VAV2: variants seen among roughly 807,000 people sequenced by gnomAD.
VAV2 encodes the protein vav guanine nucleotide exchange factor 2, also known as guanine nucleotide exchange factor VAV2.
A neutral mutation model predicts 132.5 loss-of-function variants in VAV2; 67 were observed. The observed-to-expected ratio is 0.51, with a 90% CI of 0.42 to 0.62. The LOEUF (loss-of-function observed/expected upper bound fraction) is 0.62. VAV2 is among the 20% of genes least tolerant of loss of function. VAV2 has a pLI of 0.00. For missense variants in VAV2, 938 were observed against 1,153.6 expected (o/e 0.81, Z 2.71); for synonymous variants, 492 against 443.5 (o/e 1.11, Z -1.37).
At chr9:133,771,680 A>C (rs1359592012) in intron 26 of VAV2, among the ~76,000 whole-genome samples, 1 of 152,164 alleles carries the variant, frequency 6.6e-6, no homozygotes, top group Non-Finnish European at 1.5e-5. Context: ...CATGAGAGGA[A>C]TCTGGGGCTG....
At chr9:133,850,621 T>C (rs1425530927) in intron 3 of VAV2, among the ~76,000 whole-genome samples, 1 of 152,212 alleles carries the variant, frequency 6.6e-6, no homozygotes, top group African/African-American at 2.4e-5. Flanking sequence ...TGAAAGATCC[T>C]TCTGGTATGA....
At chr9:133,922,836 G>A (rs576618025) in intron 2 of VAV2, among the ~76,000 whole-genome samples, 24 of 152,232 alleles carry the variant, frequency 1.6e-4, no homozygotes, top group Admixed American at 5.9e-4. Context: ...CAACAAAAAC[G>A]AAAACAGACA....
chr9:133,867,548 T>A (rs1297661131), intron 2 of VAV2, among the ~76,000 whole-genome samples: 4 of 152,176 alleles, frequency 2.6e-5, no homozygotes, highest in Admixed American at 6.5e-5. Flanking sequence ...GGAATCTCCC[T>A]TTCCAGGACC....
chr9:133,796,471 C>A lies in VAV2; in HGVS notation c.990G>T (p.Val330=). The change falls in exon 11 of 30, where the codon GTG becomes GTT. Residue 330 remains valine (V), a synonymous_variant. Transcript: ENST00000371850. ...DGKFKLQDLL[V]VPMQRVLKYH... ...ATTTGAGCACCCTCTGCATGGGGACCACCAGCAGGTCTTGCAGCTTAAATT... is the reference window on the plus strand; with the variant it reads ...ATTTGAGCACCCTCTGCATGGGGACAACCAGCAGGTCTTGCAGCTTAAATT... 6.2e-7 allele frequency: 1 copy of A among 1,613,866 alleles called. No individual in the cohort carries two copies. The highest frequency in any genetic ancestry group is 8.5e-7 in the Non-Finnish European group (1 of 1,179,980).
chr9:133,945,264 T>G (rs1404324089), intron 1 of VAV2, among the ~76,000 whole-genome samples: 2 of 152,130 alleles, frequency 1.3e-5, no homozygotes, highest in Non-Finnish European at 2.9e-5. Flanking sequence ...AACAGTACTT[T>G]GACAAAAACT....
Position 133,804,231 on chromosome 9 carries a change from G to C in VAV2, c.836+1850C>G, listed in dbSNP as rs1835049162. ...AAGGGGCAAAAAAGCTGGATGCTGGGACAGAACCACGATGATTTGGTGATG... is the reference window on the plus strand; with the variant it reads ...AAGGGGCAAAAAAGCTGGATGCTGGCACAGAACCACGATGATTTGGTGATG... On this transcript the variant is annotated intron_variant, in intron 9 of 29. Transcript: ENST00000371850. The surrounding 1 kb of genome is among the most constrained non-coding windows in gnomAD (Gnocchi z 4.5). Among the ~76,000 whole-genome samples the C allele has an allele frequency of 6.6e-6, 1 of 152,186 alleles. No homozygotes were observed. The highest frequency in any genetic ancestry group is 1.5e-5 in the Non-Finnish European group (1 of 68,030).
chr9:133,804,054 C>G lies in VAV2; in HGVS notation c.836+2027G>C, dbSNP rs1835042741. Reference sequence around the variant, plus strand: ...TCTCTATCTTGTCTTGGTTCTCATCCATCCCACCCAGCGAGAGGCCAGTAG... The same window carrying G: ...TCTCTATCTTGTCTTGGTTCTCATCGATCCCACCCAGCGAGAGGCCAGTAG... On this transcript the variant is annotated intron_variant, in intron 9 of 29. Coordinates refer to ENST00000371850, the MANE Select transcript of VAV2 (RefSeq NM_001134398.2). The surrounding 1 kb of genome is among the most constrained non-coding windows in gnomAD (Gnocchi z 4.5). Among the ~76,000 whole-genome samples the G allele has an allele frequency of 1.3e-5, 2 of 152,184 alleles. No homozygotes were observed.
Position 133,788,253 on chromosome 9 carries a change from G to T in VAV2, c.1407+101C>A. 1.4e-6 allele frequency: 1 copy of T among 725,372 alleles called. No homozygotes were observed. The highest frequency in any genetic ancestry group is 2.1e-6 in the Non-Finnish European group (1 of 469,878). The allele number at this position is 725,372 out of a possible 1,614,324, so 44.9% of individuals were successfully genotyped here. A position where few individuals can be genotyped will look rare whatever the true frequency, so the allele number is the denominator to read the frequency against. On this transcript the variant is annotated intron_variant, in intron 15 of 29. Coordinates refer to ENST00000371850, the MANE Select transcript of VAV2 (RefSeq NM_001134398.2). The surrounding 1 kb of genome is among the most constrained non-coding windows in gnomAD (Gnocchi z 5.3). ...CCCAACCCACCCGGCCAGCATCAGC[G>T]GCTGACTTCGAGTCCCCTTCCCCTG... is the stretch of plus-strand genomic sequence containing the variant.
chr9:133,867,078 C>T (rs1418090373), intron 2 of VAV2, among the ~76,000 whole-genome samples: 1 of 152,170 alleles, frequency 6.6e-6, no homozygotes, highest in East Asian at 1.9e-4. Flanking sequence ...GGAGGACACG[C>T]CCCTGCAGGG....
At chr9:133,865,359 T>C (rs945754364) in intron 2 of VAV2, among the ~76,000 whole-genome samples, 11 of 152,226 alleles carry the variant, frequency 7.2e-5, no homozygotes, top group African/African-American at 2.7e-4. Context: ...CTTCTGCACT[T>C]TCCCTCTGCA....
intron 1 of VAV2, among the ~76,000 whole-genome samples, chr9:133,956,995 C>A (rs1210356520): frequency 6.6e-6 from 1 of 152,218 alleles, no homozygotes; most frequent in East Asian, 1.9e-4. Flanking sequence ...GACTGCAGCA[C>A]CCACCCACCT....
At chr9:133,860,501 G>A (rs921721029) in intron 3 of VAV2, among the ~76,000 whole-genome samples, 3 of 152,144 alleles carry the variant, frequency 2.0e-5, no homozygotes, top group South Asian at 2.1e-4. Context: ...CAGTACCATC[G>A]TCCTGGGACC....
In VAV2 at chr9:133,795,604, C is replaced by A. The variant is rs1477844778; in HGVS notation, c.1101+64G>T. 9 of 1,585,620 alleles carry A rather than the reference C, an allele frequency of 5.7e-6. No individual in the cohort carries two copies. The East Asian group carries it at 2.0e-4, about 36-fold the overall frequency. ...CTGAGGCTCGTTAATGAGCCCAATTCCAGTCCAAGAACACGGGCTAAGCCA... is the reference window on the plus strand; with the variant it reads ...CTGAGGCTCGTTAATGAGCCCAATTACAGTCCAAGAACACGGGCTAAGCCA... On this transcript the variant is annotated intron_variant, in intron 12 of 29. Transcript: ENST00000371850.
chr9:133,785,105 C>T (rs1834165448), intron 17 of VAV2, among the ~76,000 whole-genome samples: 1 of 152,088 alleles, frequency 6.6e-6, no homozygotes, highest in Non-Finnish European at 1.5e-5. Context: ...AGGCCCTGGC[C>T]CTGCTGTGTC....
intron 9 of VAV2, among the ~76,000 whole-genome samples, chr9:133,803,023 G>A (rs1158072745): frequency 6.6e-6 from 1 of 152,190 alleles, no homozygotes; most frequent in Non-Finnish European, 1.5e-5. Flanking sequence ...GGTTTTTGAG[G>A]TGGACCATGA....
chr9:133,958,368 G>T (rs1229460703), intron 1 of VAV2, among the ~76,000 whole-genome samples: 1 of 149,386 alleles, frequency 6.7e-6, no homozygotes, highest in African/African-American at 2.4e-5. Flanking sequence ...CTGGAGGTGG[G>T]ACCTGCGGGC....
In VAV2 at chr9:133,967,989, T is replaced by A. The variant is rs377371746; in HGVS notation, c.204+24086A>T. On this transcript the variant is annotated intron_variant, in intron 1 of 29. Coordinates refer to ENST00000371850, the MANE Select transcript of VAV2 (RefSeq NM_001134398.2). Reference sequence around the variant, plus strand: ...TATCATATGATGTCTCTCTCATATGTTAAAGCTAAAAAAGTTGACCTCATG... The same window carrying A: ...TATCATATGATGTCTCTCTCATATGATAAAGCTAAAAAAGTTGACCTCATG... Among the ~76,000 whole-genome samples the A allele has an allele frequency of 1.3e-4, 20 of 148,982 alleles. 1 individual carries two copies. The highest frequency in any genetic ancestry group is 4.5e-4 in the African/African-American group (18 of 40,448).
At chr9:133,867,654 C>A (rs1400403201) in intron 2 of VAV2, among the ~76,000 whole-genome samples, 1 of 152,258 alleles carries the variant, frequency 6.6e-6, no homozygotes, top group Non-Finnish European at 1.5e-5. Flanking sequence ...GCTTTCAGTG[C>A]CCCGCAAGCC....
Position 133,768,499 on chromosome 9 carries a change from C to A in VAV2, c.2532G>T (p.Arg844Ser). 1.2e-6 allele frequency: 2 copies of A among 1,613,982 alleles called. No individual in the cohort carries two copies. The highest frequency in any genetic ancestry group is 1.7e-6 in the Non-Finnish European group (2 of 1,180,006). ...ELSLREGDVV[R>S]IYSRIGGDQG... ...GGTCTCCGCCGATGCGGCTGTAGAT[C>A]CTCACCACGTCACCCTCCCGCAGCG... is the stretch of plus-strand genomic sequence containing the variant. The change falls in exon 29 of 30, where the codon AGG becomes AGT. Residue 844 changes from arginine (R) to serine (S), a missense_variant. Transcript: ENST00000371850. The surrounding 1 kb of genome is among the most constrained non-coding windows in gnomAD (Gnocchi z 5.3).
Sources: allele counts gnomAD v4.1 joint callset (sites outside exome capture counted in the v4.1 genomes callset), GRCh38; gene constraint gnomAD v4.1.1; non-coding constraint Gnocchi (gnomAD v3.1); transcripts MANE v1.5; gene names NCBI Gene and HGNC (gene_info 2026-07-23, HGNC 2026-07-21).